TBC1D22A: variants seen among roughly 807,000 people sequenced by gnomAD.
TBC1D22A encodes TBC1 domain family member 22A, also known as putative GTPase activator.
TBC1D22A carries 38 observed loss-of-function variants against 60.2 expected under a neutral mutation model. That is an observed-to-expected ratio of 0.63 (90% confidence interval 0.49 to 0.83). The LOEUF (loss-of-function observed/expected upper bound fraction) is 0.83, where lower values mean the gene tolerates loss of function less well. Ranked by LOEUF, TBC1D22A falls within the 40% of genes least tolerant of loss-of-function variation. The pLI is 0.00. For missense variants in TBC1D22A, 628 were observed against 701.0 expected, an observed-to-expected ratio of 0.90 and a Z score of 1.18; for synonymous variants, 302 against 281.7, an observed-to-expected ratio of 1.07 and a Z score of -0.72.
chr22:47,075,241 A>AAAAC lies in TBC1D22A; in HGVS notation c.1330-36267_1330-36266insAAAC, dbSNP rs1397056355. On this transcript the variant is annotated intron_variant, in intron 11 of 12. Transcript: ENST00000337137. ...CCGTCTCAAAAAAAAAAAAAAGAGAACCAAAGTACTAAACTGGGAGTTTGT... is the reference window on the plus strand; with the variant it reads ...CCGTCTCAAAAAAAAAAAAAAGAGAAAAACCCAAAGTACTAAACTGGGAGTTTGT... Among the ~76,000 whole-genome samples, 6 of 150,412 alleles carry AAAAC rather than the reference A, an allele frequency of 4.0e-5. 1 individual carries two copies. Among genetic ancestry groups the AAAAC allele is most frequent in the Admixed American group, 1.3e-4 (2 of 15,068 alleles).
chr22:46,993,814 C>T (rs1167568308), intron 9 of TBC1D22A, among the ~76,000 whole-genome samples: 1 of 152,236 alleles, frequency 6.6e-6, no homozygotes, highest in East Asian at 1.9e-4. Flanking sequence ...GTGTCTGCCT[C>T]CTTAGAGTGC....
chr22:47,118,917 C>T lies in TBC1D22A; in HGVS notation c.1425+7314C>T, dbSNP rs532400114. On this transcript the variant is annotated intron_variant, in intron 12 of 12. Transcript: ENST00000337137. ...CTGTAATCCCAGCACTTTGGAAGGC[C>T]GAGGCGCGTGATCATGAGGTCAGGA... is the stretch of plus-strand genomic sequence containing the variant. Among the ~76,000 whole-genome samples, 13 of 152,206 alleles carry T rather than the reference C, an allele frequency of 8.5e-5. No homozygotes were observed. The South Asian group carries it at 1.0e-3, about 12-fold the overall frequency.
chr22:46,973,022 C>A (rs1569291484), intron 8 of TBC1D22A, among the ~76,000 whole-genome samples: 1 of 152,198 alleles, frequency 6.6e-6, no homozygotes, highest in African/African-American at 2.4e-5. Flanking sequence ...GCGCTCTTGC[C>A]CTTTTATCCT....
At position 47,046,342 on chromosome 22, in the gene TBC1D22A, C is replaced by T. The variant is rs1019676619; in HGVS notation, c.1329+9144C>T. On this transcript the variant is annotated intron_variant, in intron 11 of 12. Transcript: ENST00000337137. ...TCGTGGGGGCATCTGTAGGTCCTGT[C>T]GCTTCCCTAGAGGAGAGCCACGGGC... 5.3e-5 allele frequency among the ~76,000 whole-genome samples: 8 copies of T among 152,130 alleles called. No homozygotes were observed. In the South Asian group the frequency reaches 8.3e-4, roughly 16 times the overall value.
intron 4 of TBC1D22A, among the ~76,000 whole-genome samples, chr22:46,836,976 T>A (rs1460057912): frequency 8.9e-5 from 13 of 146,834 alleles, no homozygotes; most frequent in Non-Finnish European, 1.9e-4. Flanking sequence ...CTGGGCAACA[T>A]AGGGAGATCT....
intron 9 of TBC1D22A, among the ~76,000 whole-genome samples, chr22:46,982,030 A>G (rs2074533312): frequency 6.6e-6 from 1 of 152,158 alleles, no homozygotes; most frequent in African/African-American, 2.4e-5. Flanking sequence ...TTCTAGACTA[A>G]GCTGGGACTC....
intron 5 of TBC1D22A, among the ~76,000 whole-genome samples, chr22:46,884,060 A>G (rs1300539059): frequency 6.6e-6 from 1 of 152,154 alleles, no homozygotes; most frequent in Non-Finnish European, 1.5e-5. Flanking sequence ...TTGTGGGGCA[A>G]ACAGCGTTCC....
At chr22:46,984,946 C>T (rs764887905) in intron 9 of TBC1D22A, among the ~76,000 whole-genome samples, 6 of 152,168 alleles carry the variant, frequency 3.9e-5, no homozygotes, top group Non-Finnish European at 8.8e-5. Flanking sequence ...CCCTGTCCTG[C>T]ACACTAAGCT....
intron 10 of TBC1D22A, 60 bp downstream of exon 10, chr22:46,997,769 C>A: frequency 6.6e-7 from 1 of 1,513,910 alleles, no homozygotes; most frequent in Non-Finnish European, 9.2e-7. Context: ...CCTCAGCCCT[C>A]GGTGGGACAG....
At chr22:47,101,645 C>G (rs545206185) in intron 11 of TBC1D22A, among the ~76,000 whole-genome samples, 3 of 152,362 alleles carry the variant, frequency 2.0e-5, no homozygotes, top group Admixed American at 6.5e-5. Flanking sequence ...TGGGGTTTTT[C>G]TCAAGTGCTA....
chr22:46,811,839 G>C (rs765038420), intron 4 of TBC1D22A, among the ~76,000 whole-genome samples: 5 of 152,184 alleles, frequency 3.3e-5, no homozygotes, highest in Non-Finnish European at 5.9e-5. Flanking sequence ...CCAGGTGAAG[G>C]CATTCGATTT....
At position 46,844,878 on chromosome 22, in the gene TBC1D22A, G is replaced by A. The variant is rs564507940; in HGVS notation, c.638-33775G>A. Among the ~76,000 whole-genome samples the A allele has an allele frequency of 5.3e-5, 8 of 152,214 alleles. No homozygotes were observed. In the South Asian group the frequency reaches 6.2e-4, roughly 12 times the overall value. ...GAGACTGTTGGGTTGGAGATGCTGC[G>A]CCCTCCTTCATGCCAGCAAGTATTG... On this transcript the variant is annotated intron_variant, in intron 4 of 12. Transcript: ENST00000337137.
At chr22:46,967,340 A>C (rs2148090346) in intron 8 of TBC1D22A, among the ~76,000 whole-genome samples, 1 of 152,350 alleles carries the variant, frequency 6.6e-6, no homozygotes, top group East Asian at 1.9e-4. Context: ...TACTTAATGA[A>C]GTGTTCAAAT....
chr22:46,853,985 G>A (rs961463072), intron 4 of TBC1D22A, among the ~76,000 whole-genome samples: 1 of 152,198 alleles, frequency 6.6e-6, no homozygotes, highest in African/African-American at 2.4e-5. Flanking sequence ...AGGGTTCTGT[G>A]ACATTTTGCC....
intron 10 of TBC1D22A, among the ~76,000 whole-genome samples, chr22:47,010,038 A>G (rs907492482): frequency 6.6e-6 from 1 of 152,256 alleles, no homozygotes; most frequent in African/African-American, 2.4e-5. Flanking sequence ...GTACTGGAGA[A>G]TGGTTCCACC....
Position 47,037,057 on chromosome 22 carries a change from T to C in TBC1D22A, c.1202-14T>C. ...TCCCCTGACAGCCTTGGGGCCTGTG[T>C]TTGTTTTGTGCAGAGCAAGTGCACC... On this transcript the variant is annotated splice_polypyrimidine_tract_variant and intron_variant, in intron 10 of 12. Transcript: ENST00000337137. 6.2e-7 allele frequency: 1 copy of C among 1,612,986 alleles called. No individual in the cohort carries two copies. The highest frequency in any genetic ancestry group is 8.5e-7 in the Non-Finnish European group (1 of 1,179,348).
chr22:46,892,755 A>G (rs1032095888), intron 6 of TBC1D22A, among the ~76,000 whole-genome samples: 1 of 152,244 alleles, frequency 6.6e-6, no homozygotes, highest in Non-Finnish European at 1.5e-5. Flanking sequence ...TACCAAGTGG[A>G]ATTCTGTTAT....
At chr22:46,824,398 G>T (rs1414920586) in intron 4 of TBC1D22A, among the ~76,000 whole-genome samples, 1 of 152,186 alleles carries the variant, frequency 6.6e-6, no homozygotes, top group African/African-American at 2.4e-5. Flanking sequence ...AGGGGTGTGT[G>T]GGGATGAGCT....
At chr22:47,054,150 A>G (rs78630856) in intron 11 of TBC1D22A, among the ~76,000 whole-genome samples, 2,942 of 152,274 alleles carry the variant, frequency 0.019, 99 homozygotes, top group African/African-American at 0.064. Flanking sequence ...CCCAGCACCC[A>G]TGGCTGCTAG....
Sources: allele counts gnomAD v4.1 joint callset (sites outside exome capture counted in the v4.1 genomes callset), GRCh38; gene constraint gnomAD v4.1.1; transcripts MANE v1.5; gene names NCBI Gene and HGNC (gene_info 2026-07-23, HGNC 2026-07-21).